The following PRRX1 variants were observed in gnomAD, a reference collection of about 807,000 sequenced individuals.
The protein encoded by PRRX1 is paired related homeobox 1.
PRRX1 carries 8 observed loss-of-function variants against 24.0 expected under a neutral mutation model. The ratio of observed to expected loss-of-function variants is 0.33; its 90% CI spans 0.20 to 0.60. PRRX1 has a LOEUF of 0.60. Ranked by LOEUF, PRRX1 falls within the 20% of genes least tolerant of loss-of-function variation. The pLI is 0.82. For missense variants in PRRX1, 281 were observed against 322.4 expected (o/e 0.87, Z 0.98); for synonymous variants, 160 against 131.7 (o/e 1.22, Z -1.47).
At chr1:170,694,972 T>C (rs936676051) in intron 1 of PRRX1, among the ~76,000 whole-genome samples, 1 of 152,180 alleles carries the variant, frequency 6.6e-6, no homozygotes, top group East Asian at 1.9e-4. Context: ...GAAACTGACA[T>C]AGTCTAACAA....
intron 1 of PRRX1, among the ~76,000 whole-genome samples, chr1:170,665,568 G>A (rs1248046432): frequency 6.6e-6 from 1 of 152,208 alleles, no homozygotes. Flanking sequence ...TTCAAATTTG[G>A]AAATCGTGGA....
chr1:170,674,463 C>G (rs1653243912), intron 1 of PRRX1, among the ~76,000 whole-genome samples: 1 of 152,200 alleles, frequency 6.6e-6, no homozygotes, highest in Admixed American at 6.5e-5. Flanking sequence ...CCTTGCGAAA[C>G]CTTCTCTGAC....
intron 1 of PRRX1, among the ~76,000 whole-genome samples, chr1:170,671,453 C>G (rs938762528): frequency 5.3e-5 from 8 of 152,368 alleles, no homozygotes; most frequent in Non-Finnish European, 1.0e-4. Flanking sequence ...GTAGCGACGC[C>G]AGGCGCTGCT....
intron 1 of PRRX1, among the ~76,000 whole-genome samples, chr1:170,710,674 G>A (rs1654716743): frequency 1.3e-5 from 2 of 152,158 alleles, no homozygotes; most frequent in African/African-American, 4.8e-5. Context: ...CCTTTGAAAG[G>A]TAATAAGGTT....
intron 1 of PRRX1, among the ~76,000 whole-genome samples, chr1:170,690,231 CTTATAGT>C (rs1653893165): frequency 1.3e-5 from 2 of 151,866 alleles, no homozygotes; most frequent in African/African-American, 4.8e-5. Flanking sequence ...CCCCTATGAG[CTTATAGT>C]TTAGCAGAGA....
At chr1:170,698,736 G>A (rs1052061569) in intron 1 of PRRX1, among the ~76,000 whole-genome samples, 1 of 152,110 alleles carries the variant, frequency 6.6e-6, no homozygotes, top group Non-Finnish European at 1.5e-5. Context: ...AAGAAATGAC[G>A]GTGGCACAAC....
intron 1 of PRRX1, among the ~76,000 whole-genome samples, chr1:170,682,374 T>C (rs1055834683): frequency 9.9e-5 from 9 of 90,822 alleles, no homozygotes; most frequent in African/African-American, 2.8e-4. Context: ...GGTGCCTCAG[T>C]CACATCCTGC....
intron 3 of PRRX1, among the ~76,000 whole-genome samples, chr1:170,735,704 T>C (rs1243597566): frequency 6.6e-6 from 1 of 152,160 alleles, no homozygotes; most frequent in Non-Finnish European, 1.5e-5. Context: ...TTAAATACTG[T>C]TTTAATAAGT....
intron 1 of PRRX1, among the ~76,000 whole-genome samples, chr1:170,682,285 C>T (rs1177590653): frequency 6.8e-6 from 1 of 147,824 alleles, no homozygotes; most frequent in Non-Finnish European, 1.5e-5. Flanking sequence ...TTCAATGTTC[C>T]TTCTGTGTGC....
At chr1:170,714,280 G>A (rs1292500293) in intron 1 of PRRX1, among the ~76,000 whole-genome samples, 2 of 152,060 alleles carry the variant, frequency 1.3e-5, no homozygotes, top group Non-Finnish European at 2.9e-5. Context: ...CAAAGGTTAC[G>A]GGGCCTGAAC....
At chr1:170,699,074 C>G (rs1481963035) in intron 1 of PRRX1, among the ~76,000 whole-genome samples, 1 of 152,184 alleles carries the variant, frequency 6.6e-6, no homozygotes, top group Non-Finnish European at 1.5e-5. Context: ...TCTTGTTTAA[C>G]TGATGCCAGT....
intron 1 of PRRX1, among the ~76,000 whole-genome samples, chr1:170,714,687 G>T (rs1355272425): frequency 6.6e-6 from 1 of 152,224 alleles, no homozygotes; most frequent in Non-Finnish European, 1.5e-5. Context: ...CATGGCAAGA[G>T]CAAGGCCTTA....
intron 2 of PRRX1, among the ~76,000 whole-genome samples, chr1:170,723,016 G>T (rs1655138097): frequency 2.0e-5 from 3 of 152,314 alleles, no homozygotes; most frequent in Admixed American, 6.5e-5. Context: ...TGGACAAAGA[G>T]CTAATTCCTG....
chr1:170,678,502 G>T (rs910152901), intron 1 of PRRX1, among the ~76,000 whole-genome samples: 1 of 152,250 alleles, frequency 6.6e-6, no homozygotes, highest in African/African-American at 2.4e-5. Context: ...GCCCCAACAT[G>T]CTAAGTGAGT....
At chr1:170,735,860 G>T (rs1043499913) in intron 3 of PRRX1, among the ~76,000 whole-genome samples, 188 bp from the exon 4 acceptor site, 2 of 152,014 alleles carry the variant, frequency 1.3e-5, no homozygotes, top group Non-Finnish European at 2.9e-5. Context: ...TTCAAAACAT[G>T]ACCACTCTTC....
chr1:170,707,085 C>A (rs1056213282), intron 1 of PRRX1, among the ~76,000 whole-genome samples: 2 of 151,742 alleles, frequency 1.3e-5, no homozygotes, highest in East Asian at 3.9e-4. Flanking sequence ...GATTATGCCA[C>A]CGTACCCCAG....
At chr1:170,677,987 A>G (rs1653379650) in intron 1 of PRRX1, among the ~76,000 whole-genome samples, 1 of 152,158 alleles carries the variant, frequency 6.6e-6, no homozygotes, top group East Asian at 1.9e-4. Flanking sequence ...TCTGGAGGCC[A>G]ACCACGTTAA....
chr1:170,667,895 A>T (rs1652997404), intron 1 of PRRX1: 1 of 152,202 alleles, frequency 6.6e-6, no homozygotes, highest in Non-Finnish European at 1.5e-5. Flanking sequence ...AATTTTGCAA[A>T]ATTCCTAACT....
At chr1:170,735,833 A>C (rs146289584) in intron 3 of PRRX1, among the ~76,000 whole-genome samples, 227 of 152,180 alleles carry the variant, frequency 1.5e-3, no homozygotes, top group African/African-American at 5.2e-3. Context: ...CTCACTCTAC[A>C]CCACTTTCTC....
Sources: gnomAD v4.1 joint callset for allele counts (sites outside exome capture counted in the v4.1 genomes callset) on GRCh38, gnomAD v4.1.1 for gene constraint, MANE v1.5 for transcripts, NCBI Gene and HGNC (gene_info 2026-07-23, HGNC 2026-07-21) for gene names.